Variants in TRIP4 observed in about 807,000 individuals in gnomAD.
TRIP4 encodes the protein activating signal cointegrator 1.
In TRIP4, 54 loss-of-function variants were observed where a neutral mutation model predicts 81.8. The ratio of observed to expected loss-of-function variants is 0.66; its 90% confidence interval spans 0.53 to 0.83. The LOEUF is 0.83. TRIP4 is among the 40% of genes least tolerant of loss of function. The pLI is 0.00. For missense variants in TRIP4, 662 were observed against 683.6 expected (o/e 0.97, Z 0.35); for synonymous variants, 270 against 242.8 (o/e 1.11, Z -1.04).
chr15:64,406,530 C>T (rs1891627156), intron 6 of TRIP4, 71 bp downstream of exon 6: 2 of 1,539,904 alleles, frequency 1.3e-6, no homozygotes, highest in African/African-American at 1.4e-5. Context: ...TATTTTGGTA[C>T]TTGATACCTT....
intron 12 of TRIP4, among the ~76,000 whole-genome samples, chr15:64,451,674 T>C (rs1199373972): frequency 6.6e-6 from 1 of 151,118 alleles, no homozygotes; most frequent in African/African-American, 2.4e-5. Context: ...ATTTTTTTTT[T>C]TTGAGTTTTA....
At chr15:64,419,389 T>TCGC in intron 9 of TRIP4, among the ~76,000 whole-genome samples, 1 of 152,026 alleles carries the variant, frequency 6.6e-6, no homozygotes, top group Non-Finnish European at 1.5e-5. Flanking sequence ...AGACCGAGTC[T>TCGC]TGCTCTGTCA....
intron 1 of TRIP4, among the ~76,000 whole-genome samples, chr15:64,391,533 A>G (rs982814715): frequency 7.2e-5 from 11 of 152,128 alleles, no homozygotes; most frequent in African/African-American, 2.7e-4. Flanking sequence ...TTGGTCCACA[A>G]TCTGGATGAG....
intron 11 of TRIP4, among the ~76,000 whole-genome samples, chr15:64,439,817 C>T (rs1486535142): frequency 6.6e-6 from 1 of 151,850 alleles, no homozygotes; most frequent in African/African-American, 2.4e-5. Context: ...AGCCACCATG[C>T]CTGGCTAACG....
At chr15:64,434,253 G>A (rs1892340195) in intron 11 of TRIP4, among the ~76,000 whole-genome samples, 1 of 152,102 alleles carries the variant, frequency 6.6e-6, no homozygotes, top group African/African-American at 2.4e-5. Flanking sequence ...TATAAAATTA[G>A]CTGGGCGTGG....
chr15:64,453,110 G>A (rs1035646335), intron 12 of TRIP4, among the ~76,000 whole-genome samples: 1 of 152,200 alleles, frequency 6.6e-6, no homozygotes, highest in Non-Finnish European at 1.5e-5. Flanking sequence ...TTGAACCTGG[G>A]TGGTGGGGGT....
intron 4 of TRIP4, among the ~76,000 whole-genome samples, chr15:64,399,496 C>T (rs1891436681): frequency 6.6e-6 from 1 of 151,790 alleles, no homozygotes. Context: ...GCAGATTGGC[C>T]TTGAAGTTTG....
chr15:64,408,675 G>A (rs746277912), intron 6 of TRIP4, among the ~76,000 whole-genome samples: 47 of 152,048 alleles, frequency 3.1e-4, no homozygotes, highest in Non-Finnish European at 6.2e-4. Flanking sequence ...ATGGGGAAAC[G>A]TAATCTTAAC....
chr15:64,437,129 G>A (rs1178525463), intron 11 of TRIP4, among the ~76,000 whole-genome samples: 1 of 151,720 alleles, frequency 6.6e-6, no homozygotes, highest in Non-Finnish European at 1.5e-5. Flanking sequence ...GTAGATATAT[G>A]AAAAATCTTG....
At position 64,455,049 on chromosome 15, in the gene TRIP4, G is replaced by A; in HGVS notation, c.1731G>A (p.Gln577=). The change falls in exon 13 of 13, where the codon CAG becomes CAA. Residue 577 remains glutamine, a synonymous_variant. Coordinates refer to ENST00000261884, the MANE Select transcript of TRIP4 (RefSeq NM_016213.5). Reference sequence around the variant, plus strand: ...GAGCAAAGAAGGGGTTAATGAAGCAGAATAAAGCTGTCTGACCCAGGAGAA... The same window carrying A: ...GAGCAAAGAAGGGGTTAATGAAGCAAAATAAAGCTGTCTGACCCAGGAGAA... ...HQGAKKGLMK[Q]NKAV The A allele has an allele frequency of 6.2e-7, 1 of 1,614,070 alleles. No individual in the cohort carries two copies. Among genetic ancestry groups the A allele is most frequent in the Non-Finnish European group, 8.5e-7 (1 of 1,179,976 alleles).
At chr15:64,425,667 G>T (rs1416555698) in intron 11 of TRIP4, 36 bp downstream of exon 11, 4 of 1,552,264 alleles carry the variant, frequency 2.6e-6, no homozygotes, top group African/African-American at 2.7e-5. Flanking sequence ...TAGAGACAGG[G>T]TTTCGCCATG....
At chr15:64,430,430 A>G (rs1339170804) in intron 11 of TRIP4, among the ~76,000 whole-genome samples, 1 of 152,276 alleles carries the variant, frequency 6.6e-6, no homozygotes, top group Non-Finnish European at 1.5e-5. Context: ...TCTCAAAAAC[A>G]GCAGGGAGGA....
rs146589758 is a variant in TRIP4 at position 64,395,495 on chromosome 15, G to T, written c.369G>T (p.Thr123=). 5.0e-6 allele frequency: 8 copies of T among 1,613,540 alleles called. No individual in the cohort carries two copies. Among genetic ancestry groups the T allele is most frequent in the Non-Finnish European group, 6.8e-6 (8 of 1,179,848 alleles). The part of the protein sequence containing the change: ...QEVPAFTEPD[T]TAEVKTPFDL... Reference sequence around the variant, plus strand: ...TTCCTGCATTTACTGAACCTGACACGACTGCAGAGGTTAAAACACCTTTTG... The same window carrying T: ...TTCCTGCATTTACTGAACCTGACACTACTGCAGAGGTTAAAACACCTTTTG... Residue 123 remains threonine (T), a synonymous_variant, in exon 3 of 13, where the codon ACG becomes ACT. Transcript: ENST00000261884.
chr15:64,407,801 A>G (rs1215302757), intron 6 of TRIP4, among the ~76,000 whole-genome samples: 2 of 151,910 alleles, frequency 1.3e-5, no homozygotes, highest in African/African-American at 4.8e-5. Context: ...AGGTTTTTGT[A>G]TAAGACCAAT....
chr15:64,426,365 C>T (rs537875960), intron 11 of TRIP4, among the ~76,000 whole-genome samples: 1 of 152,026 alleles, frequency 6.6e-6, no homozygotes, highest in Admixed American at 6.5e-5. Flanking sequence ...TATGAATGTA[C>T]ATATGTATGC....
chr15:64,423,461 C>CAAAA (rs58166289), intron 9 of TRIP4, among the ~76,000 whole-genome samples: 1 of 71,092 alleles, frequency 1.4e-5, no homozygotes, highest in Non-Finnish European at 2.4e-5. Context: ...GACTCCGTCT[C>CAAAA]AAAAAAAAAA....
rs1007007935 is a variant in TRIP4 at position 64,406,377 on chromosome 15, C to T, written c.745C>T (p.Pro249Ser). ...KVDISTKDLL[P>S]HQELRIKSGL... ...GGACATCTCTACCAAGGACCTTCTT[C>T]CTCATCAAGAATTGCGAATTAAGTC... is the stretch of plus-strand genomic sequence containing the variant. Residue 249 changes from proline (P) to serine (S), a missense_variant, in exon 6 of 13, where the codon CCT becomes TCT. By Grantham distance (74) the Pro-to-Ser change is moderately conservative. Coordinates refer to ENST00000261884, the MANE Select transcript of TRIP4 (RefSeq NM_016213.5). 6 of 1,614,040 alleles carry T rather than the reference C, an allele frequency of 3.7e-6. No individual in the cohort carries two copies. The highest frequency in any genetic ancestry group is 5.1e-6 in the Non-Finnish European group (6 of 1,180,036).
At chr15:64,435,383 G>A (rs1027090073) in intron 11 of TRIP4, among the ~76,000 whole-genome samples, 4 of 151,318 alleles carry the variant, frequency 2.6e-5, no homozygotes, top group Non-Finnish European at 4.4e-5. Context: ...AAAATCTGCC[G>A]GGCGTGGTGG....
chr15:64,391,052 C>A (rs1213159372), intron 1 of TRIP4, among the ~76,000 whole-genome samples: 1 of 152,130 alleles, frequency 6.6e-6, no homozygotes, highest in Non-Finnish European at 1.5e-5. Context: ...CCTTGCCTGG[C>A]ATTTAATTGA....
Sources: gnomAD v4.1 joint callset for allele counts (sites outside exome capture counted in the v4.1 genomes callset) on GRCh38, gnomAD v4.1.1 for gene constraint, MANE v1.5 for transcripts, NCBI Gene and HGNC (gene_info 2026-07-23, HGNC 2026-07-21) for gene names.